The following ADAMTS7 variants were observed in gnomAD, a reference collection of about 807,000 sequenced individuals.
ADAMTS7 encodes the protein A disintegrin and metalloproteinase with thrombospondin motifs 7.
Under a neutral mutation model 172.6 loss-of-function variants are expected in ADAMTS7, and 89 were observed. The observed-to-expected ratio is 0.52, with a 90% CI of 0.43 to 0.61. ADAMTS7 has a LOEUF of 0.61. Among genes scored for constraint, ADAMTS7 ranks in the 20% least tolerant of loss-of-function variants. The probability of loss-of-function intolerance (pLI) is 0.00; values close to 1 mark genes in which losing one functional copy is unlikely to be tolerated. For missense variants in ADAMTS7, 1,973 were observed against 2,355.6 expected (o/e 0.84, Z 3.36); for synonymous variants, 885 against 978.4 (o/e 0.90, Z 1.78).
At position 78,766,518 on chromosome 15, in the gene ADAMTS7, G is replaced by C. The variant is rs773547293; in HGVS notation, c.3393C>G (p.Ser1131Arg). Reference sequence around the variant, plus strand: ...AGCGGCCGGCCTGGCTAGGCCAAGGGCTCGGGGACCAAGGTCCCAGTACCC... The same window carrying C: ...AGCGGCCGGCCTGGCTAGGCCAAGGCCTCGGGGACCAAGGTCCCAGTACCC... ...EEGVLGPWSP[S>R]PWPSQAGRSP... The change falls in exon 19 of 24, where the codon AGC becomes AGG. Residue 1131 changes from serine to arginine, a missense_variant. Physicochemically the swap from Ser to Arg is moderately radical, Grantham distance 110. Around this residue, in one of 8 missense-constraint regions of ADAMTS7, gnomAD observed 771 missense variants for 952.6 expected, o/e 0.81. Transcript: ENST00000388820. 46 of 1,585,328 alleles carry C rather than the reference G, an allele frequency of 2.9e-5. 2 individuals are homozygous for C. In the Admixed American group the frequency reaches 7.7e-4, roughly 27 times the overall value.
rs780186993 is a variant in ADAMTS7 at position 78,759,575 on chromosome 15, C to T, written c.4907G>A (p.Cys1636Tyr). 14 of 1,582,402 alleles carry T rather than the reference C, an allele frequency of 8.8e-6. No individual in the cohort carries two copies. The highest frequency in any genetic ancestry group is 1.2e-5 in the Non-Finnish European group (14 of 1,170,128). The stretch of plus-strand genomic sequence containing the variant: ...CCCGAAGGACAGGCGGTCCCGCTCA[C>T]AGCCTGGAGTGGGGGGGCAGAGAGG... ...EDCEPVEPPR[C>Y]ERDRLSFGFC... The change falls in exon 24 of 24, where the codon TGT (cysteine) becomes TAT (tyrosine). Residue 1636 changes from cysteine (C) to tyrosine (Y), a missense_variant. By Grantham distance (194) the Cys-to-Tyr change is radical. This residue lies in a region of ADAMTS7 where 94 missense variants were observed against 95.4 expected (regional missense o/e 0.99). Coordinates refer to ENST00000388820, the MANE Select transcript of ADAMTS7 (RefSeq NM_014272.5).
intron 23 of ADAMTS7, 67 bp from the exon 24 acceptor site, chr15:78,759,645 G>C (rs534316613): frequency 4.0e-4 from 577 of 1,458,470 alleles, no homozygotes; most frequent in East Asian, 1.1e-3. Flanking sequence ...GGCTCCCTAC[G>C]CCAACCACCT....
At chr15:78,806,355 G>A (rs1234873676) in intron 1 of ADAMTS7, among the ~76,000 whole-genome samples, 1 of 152,162 alleles carries the variant, frequency 6.6e-6, no homozygotes, top group African/African-American at 2.4e-5. Context: ...TAGGGGCACT[G>A]TGTGGTAAAC....
At chr15:78,761,770 A>G (rs2055047521) in intron 23 of ADAMTS7, 30 of 856,616 alleles carry the variant, frequency 3.5e-5, no homozygotes, top group East Asian at 1.2e-4. Flanking sequence ...GCGCGCACGC[A>G]CACATGCTGG....
chr15:78,767,601 G>A lies in ADAMTS7; in HGVS notation c.2646-9C>T, dbSNP rs1466167217. 6.5e-7 allele frequency: 1 copy of A among 1,532,502 alleles called. No homozygotes were observed. Among genetic ancestry groups the A allele is most frequent in the Admixed American group, 2.0e-5 (1 of 50,338 alleles). 94.9% of individuals were successfully genotyped at this position (1,532,502 alleles called of 1,614,324 possible). ...ACTCACCTGCCCACCACCTGGCGAG[G>A]GCACACAGGTGGCATCAGTGTGGCA... On this transcript the variant is annotated splice_polypyrimidine_tract_variant and intron_variant, in intron 17 of 23. Transcript: ENST00000388820.
intron 16 of ADAMTS7, chr15:78,770,865 G>A (rs1418423159): frequency 2.5e-6 from 1 of 403,722 alleles, no homozygotes; most frequent in Non-Finnish European, 4.5e-6. Context: ...TGTGGTGAGG[G>A]GCCACTGGAC....
chr15:78,772,925 CCT>C (rs2055274975), intron 14 of ADAMTS7, among the ~76,000 whole-genome samples, 156 bp downstream of exon 14: 1 of 152,224 alleles, frequency 6.6e-6, no homozygotes, highest in Non-Finnish European at 1.5e-5. Context: ...CCAGGGGTCC[CCT>C]GACTCCTGCA....
intron 1 of ADAMTS7, among the ~76,000 whole-genome samples, chr15:78,806,977 G>A (rs905958582): frequency 1.3e-5 from 2 of 152,160 alleles, no homozygotes; most frequent in African/African-American, 4.8e-5. Context: ...ATGTTGGCCA[G>A]GCTGGTCTCG....
At chr15:78,783,904 TA>T (rs34137795) in intron 8 of ADAMTS7, among the ~76,000 whole-genome samples, 93,704 of 151,164 alleles carry the variant, frequency 0.62, 29,925 homozygotes, top group Middle Eastern at 0.76. Flanking sequence ...ACTCAAAAAT[TA>T]AAAAAAAAAT....
chr15:78,768,119 G>C lies in ADAMTS7; in HGVS notation c.2645+14C>G. On this transcript the variant is annotated intron_variant, in intron 17 of 23. Coordinates refer to ENST00000388820, the MANE Select transcript of ADAMTS7 (RefSeq NM_014272.5). The stretch of plus-strand genomic sequence containing the variant: ...ATGGGGTGGGGAGTTGGCGGGGGAT[G>C]GGGGCGGGCTCACCTGGCAGGGCAG... The C allele has an allele frequency of 6.5e-7, 1 of 1,543,638 alleles. No homozygotes were observed. Among genetic ancestry groups the C allele is most frequent in the Non-Finnish European group, 8.7e-7 (1 of 1,145,786 alleles).
At chr15:78,760,419 G>C (rs542983893) in intron 23 of ADAMTS7, among the ~76,000 whole-genome samples, 2 of 152,268 alleles carry the variant, frequency 1.3e-5, no homozygotes, top group East Asian at 3.9e-4. Flanking sequence ...GAAGGCAGCA[G>C]CCAGCCCTGG....
In ADAMTS7 at chr15:78,766,525, G is replaced by C. The variant is rs1421213642; in HGVS notation, c.3386C>G (p.Ser1129Cys). ...AKEEGVLGPW[S>C]PSPWPSQAGR... is the part of the protein sequence containing the mutation. The stretch of plus-strand genomic sequence containing the variant: ...GGCCTGGCTAGGCCAAGGGCTCGGG[G>C]ACCAAGGTCCCAGTACCCCCTCCTC... The change falls in exon 19 of 24, where the codon TCC becomes TGC. Residue 1129 changes from serine to cysteine, a missense_variant. This residue lies in a region of ADAMTS7 where 771 missense variants were observed against 952.6 expected (regional missense o/e 0.81). Transcript: ENST00000388820. 6.3e-7 allele frequency: 1 copy of C among 1,589,162 alleles called. No individual in the cohort carries two copies. The highest frequency in any genetic ancestry group is 1.7e-5 in the Admixed American group (1 of 57,690).
rs1169680816 is a variant in ADAMTS7, at chr15:78,806,127, CAAAAAAAAA to C, written c.100+4985_100+4993del. On this transcript the variant is annotated intron_variant, in intron 1 of 23. Transcript: ENST00000388820. ...ACACACACACACACACACACACACA[CAAAAAAAAA>C]AAAAAAAAAAAAAAAAAAACAGAAA... 5.3e-3 allele frequency among the ~76,000 whole-genome samples: 124 copies of C among 23,240 alleles called. 1 individual carries two copies. The highest frequency in any genetic ancestry group is 0.018 in the African/African-American group (106 of 6,024). 15.2% of individuals were successfully genotyped at this position (23,240 alleles called of 152,430 possible). A position where few individuals can be genotyped will look rare whatever the true frequency, so the allele number is the denominator to read the frequency against.
intron 1 of ADAMTS7, among the ~76,000 whole-genome samples, chr15:78,801,738 G>A (rs2055728016): frequency 6.6e-6 from 1 of 152,008 alleles, no homozygotes; most frequent in South Asian, 2.1e-4. Context: ...AGTGCAGGTG[G>A]GCAATCATAG....
intron 4 of ADAMTS7, among the ~76,000 whole-genome samples, chr15:78,796,118 T>C (rs12437868): frequency 0.38 from 57,877 of 152,060 alleles, 11,514 homozygotes; most frequent in African/African-American, 0.5. Flanking sequence ...CTAGTGACCA[T>C]AGAACTGCAC....
At chr15:78,767,181 C>T (rs3894351) in intron 18 of ADAMTS7, 130 bp from the exon 19 acceptor site, 1 of 1,172,384 alleles carries the variant, frequency 8.5e-7, no homozygotes. Flanking sequence ...CCTCTCTGGC[C>T]CTTCCCAGCT....
intron 1 of ADAMTS7, among the ~76,000 whole-genome samples, chr15:78,806,085 C>G (rs1354036274): frequency 2.5e-5 from 3 of 120,108 alleles, no homozygotes; most frequent in East Asian, 2.6e-4. Context: ...GACTCCCCCC[C>G]CCAAAAACAC....
At chr15:78,765,518 T>C in intron 19 of ADAMTS7, 127 bp downstream of exon 19, 1 of 1,478,584 alleles carries the variant, frequency 6.8e-7, no homozygotes, top group Non-Finnish European at 9.2e-7. Context: ...CCCCTAATCC[T>C]GGGAACCCCT....
intron 1 of ADAMTS7, among the ~76,000 whole-genome samples, chr15:78,806,877 C>G (rs973761309): frequency 3.9e-5 from 6 of 152,322 alleles, no homozygotes; most frequent in African/African-American, 1.2e-4. Context: ...AGCAATTCTC[C>G]TGCCTCAGCC....
Sources: gnomAD v4.1 joint callset for allele counts (sites outside exome capture counted in the v4.1 genomes callset) on GRCh38, gnomAD v4.1.1 for gene constraint, gnomAD v4.1.1 regional missense constraint, MANE v1.5 for transcripts, NCBI Gene and HGNC (gene_info 2026-07-23, HGNC 2026-07-21) for gene names.